Variants in MECOM observed in about 807,000 individuals in gnomAD.
The protein encoded by MECOM is histone-lysine N-methyltransferase MECOM.
A neutral mutation model predicts 116.3 loss-of-function variants in MECOM; 13 were observed. The observed-to-expected ratio is 0.11, with a 90% confidence interval of 0.07 to 0.18. The LOEUF is 0.18. MECOM is among the 10% of genes least tolerant of loss of function. MECOM has a pLI of 1.00. For synonymous variants in MECOM, 528 were observed against 535.2 expected, an observed-to-expected ratio of 0.99 and a Z score of 0.19; for missense variants, 1,299 against 1,509.0, an observed-to-expected ratio of 0.86 and a Z score of 2.31.
At position 169,616,349 on chromosome 3, in the gene MECOM, T is replaced by G. The variant is rs567459504; in HGVS notation, c.37+46987A>C. ...TTTTTTGGTTTTGGTTTTGGTTTTTTTGTTTTTTTGGTTGGAGATAGAGTC... is the reference window on the plus strand; with the variant it reads ...TTTTTTGGTTTTGGTTTTGGTTTTTGTGTTTTTTTGGTTGGAGATAGAGTC... On this transcript the variant is annotated intron_variant, in intron 1 of 16. Transcript: ENST00000651503. 4.6e-5 allele frequency among the ~76,000 whole-genome samples: 7 copies of G among 152,276 alleles called. 1 individual carries two copies. The East Asian group carries it at 1.4e-3, about 29-fold the overall frequency.
At chr3:169,329,187 G>A (rs564969073) in intron 2 of MECOM, among the ~76,000 whole-genome samples, 1 of 151,966 alleles carries the variant, frequency 6.6e-6, no homozygotes, top group Non-Finnish European at 1.5e-5. Context: ...TTTAAAATTA[G>A]AGATTCATCT....
At chr3:169,503,384 T>A (rs868372104) in intron 1 of MECOM, among the ~76,000 whole-genome samples, 1 of 152,148 alleles carries the variant, frequency 6.6e-6, no homozygotes, top group African/African-American at 2.4e-5. Flanking sequence ...ACTAAATTTA[T>A]CTCTAGAATT....
chr3:169,164,146 T>A (rs185219364), intron 2 of MECOM, among the ~76,000 whole-genome samples: 65 of 152,266 alleles, frequency 4.3e-4, no homozygotes, highest in African/African-American at 1.5e-3. Context: ...ATCTTGTAGT[T>A]CCCATAATTC....
chr3:169,321,789 C>T (rs535221850), intron 2 of MECOM, among the ~76,000 whole-genome samples: 4 of 151,906 alleles, frequency 2.6e-5, no homozygotes, highest in Non-Finnish European at 5.9e-5. Context: ...ATTAGTTTTA[C>T]CAAAACATGA....
intron 1 of MECOM, among the ~76,000 whole-genome samples, chr3:169,518,394 A>G (rs1240689790): frequency 6.6e-6 from 1 of 152,206 alleles, no homozygotes; most frequent in African/African-American, 2.4e-5. Flanking sequence ...TCTCCTAAAA[A>G]TGCTTTTTAA....
At chr3:169,512,358 T>G (rs1385334776) in intron 1 of MECOM, among the ~76,000 whole-genome samples, 1 of 152,240 alleles carries the variant, frequency 6.6e-6, no homozygotes, top group Non-Finnish European at 1.5e-5. Context: ...TGGACAACTC[T>G]GAATTGTTCA....
chr3:169,123,854 T>C (rs1731901811), intron 5 of MECOM, among the ~76,000 whole-genome samples: 1 of 151,968 alleles, frequency 6.6e-6, no homozygotes, highest in Non-Finnish European at 1.5e-5. Context: ...CTTTTATCAA[T>C]AAAGATATTC....
chr3:169,392,424 C>T (rs971731786), intron 1 of MECOM, among the ~76,000 whole-genome samples: 5 of 152,062 alleles, frequency 3.3e-5, no homozygotes, highest in African/African-American at 1.2e-4. Context: ...AAGAGGAATT[C>T]GATGATTGAA....
intron 2 of MECOM, among the ~76,000 whole-genome samples, chr3:169,249,851 A>G (rs1756034443): frequency 6.6e-6 from 1 of 152,220 alleles, no homozygotes; most frequent in Non-Finnish European, 1.5e-5. Context: ...AGATGAACCA[A>G]CCAATTTAAA....
rs182356835 is a variant in MECOM, at chr3:169,584,301, C to G, written c.37+79035G>C. On this transcript the variant is annotated intron_variant, in intron 1 of 16. Coordinates refer to ENST00000651503, the MANE Select transcript of MECOM (RefSeq NM_004991.4). ...AGAAGAAAGGCCGGGCGCGGGGGCTCACTCCTGTAATCCCAGCACTTTGGG... is the reference window on the plus strand; with the variant it reads ...AGAAGAAAGGCCGGGCGCGGGGGCTGACTCCTGTAATCCCAGCACTTTGGG... Among the ~76,000 whole-genome samples the G allele has an allele frequency of 5.2e-3, 799 of 152,192 alleles. 5 individuals are homozygous for G. Among genetic ancestry groups the G allele is most frequent in the African/African-American group, 0.018 (745 of 41,546 alleles).
intron 2 of MECOM, among the ~76,000 whole-genome samples, chr3:169,206,062 C>T (rs1400050404): frequency 6.6e-6 from 1 of 152,118 alleles, no homozygotes; most frequent in Non-Finnish European, 1.5e-5. Context: ...GTCCACTCTT[C>T]CTGTTTCACA....
intron 2 of MECOM, chr3:169,146,716 C>A (rs542862545): frequency 3.2e-6 from 4 of 1,231,908 alleles, no homozygotes; most frequent in African/African-American, 1.6e-5. Context: ...GTGAGGAGTT[C>A]TCTTACCTTT....
chr3:169,313,575 A>T (rs1719189770), intron 2 of MECOM, among the ~76,000 whole-genome samples: 1 of 152,240 alleles, frequency 6.6e-6, no homozygotes, highest in Non-Finnish European at 1.5e-5. Flanking sequence ...GAGTGACAGA[A>T]GGAAAGGCAG....
intron 2 of MECOM, among the ~76,000 whole-genome samples, chr3:169,194,692 C>A (rs1164866417): frequency 6.6e-6 from 1 of 151,960 alleles, no homozygotes; most frequent in Non-Finnish European, 1.5e-5. Flanking sequence ...TTGAGTGTTA[C>A]CGCTGAAATC....
chr3:169,455,314 C>A (rs1458818046), intron 1 of MECOM, among the ~76,000 whole-genome samples: 1 of 152,102 alleles, frequency 6.6e-6, no homozygotes, highest in Non-Finnish European at 1.5e-5. Flanking sequence ...AGTGCACACC[C>A]TAATTTAGGG....
At chr3:169,455,116 A>G (rs1361297972) in intron 1 of MECOM, among the ~76,000 whole-genome samples, 1 of 152,104 alleles carries the variant, frequency 6.6e-6, no homozygotes, top group African/African-American at 2.4e-5. Context: ...AGGATGGGGA[A>G]AAAAAGAATT....
intron 1 of MECOM, among the ~76,000 whole-genome samples, chr3:169,436,694 AC>A (rs1208768588): frequency 3.3e-5 from 5 of 152,220 alleles, no homozygotes; most frequent in African/African-American, 1.2e-4. Flanking sequence ...AGTGCCTAAT[AC>A]AGTAACTAAC....
chr3:169,330,722 A>G (rs1013929165), intron 2 of MECOM, among the ~76,000 whole-genome samples: 6 of 150,026 alleles, frequency 4.0e-5, no homozygotes, highest in Non-Finnish European at 8.9e-5. Context: ...ACCTTTTTCC[A>G]AAAAAAAATA....
chr3:169,220,588 C>T (rs868748116), intron 2 of MECOM, among the ~76,000 whole-genome samples: 4 of 152,102 alleles, frequency 2.6e-5, no homozygotes, highest in African/African-American at 4.8e-5. Flanking sequence ...GATTCTCCTG[C>T]CCCAGCCCCC....
Sources: gnomAD v4.1 joint callset for allele counts (sites outside exome capture counted in the v4.1 genomes callset) on GRCh38, gnomAD v4.1.1 for gene constraint, MANE v1.5 for transcripts, NCBI Gene and HGNC (gene_info 2026-07-23, HGNC 2026-07-21) for gene names.